RAPGEF5: variants seen among roughly 807,000 people sequenced by gnomAD.
RAPGEF5 encodes Rap guanine nucleotide exchange factor 5.
A neutral mutation model predicts 125.2 loss-of-function variants in RAPGEF5; 65 were observed. The ratio of observed to expected loss-of-function variants is 0.52; its 90% CI spans 0.43 to 0.64. The LOEUF is 0.64. RAPGEF5 is among the 30% of genes least tolerant of loss of function. RAPGEF5 has a pLI of 0.00. For missense variants in RAPGEF5, 958 were observed against 1,048.1 expected, an observed-to-expected ratio of 0.91 and a Z score of 1.19; for synonymous variants, 391 against 385.9, an observed-to-expected ratio of 1.01 and a Z score of -0.16.
At chr7:22,338,410 C>G (rs959216115) in intron 1 of RAPGEF5, among the ~76,000 whole-genome samples, 10 of 152,168 alleles carry the variant, frequency 6.6e-5, no homozygotes, top group African/African-American at 2.4e-4. Context: ...ATTTTATGTT[C>G]TAACACTATA....
intron 23 of RAPGEF5, among the ~76,000 whole-genome samples, chr7:22,131,627 G>A (rs1203369415): frequency 1.3e-5 from 2 of 152,166 alleles, no homozygotes; most frequent in African/African-American, 2.4e-5. Context: ...CCAGGAATAA[G>A]TGAGGAAAGA....
intron 6 of RAPGEF5, among the ~76,000 whole-genome samples, chr7:22,267,568 A>C (rs1782312958): frequency 6.6e-6 from 1 of 152,188 alleles, no homozygotes; most frequent in Non-Finnish European, 1.5e-5. Context: ...GGCAGGTGAA[A>C]TGGGAATATA....
intron 7 of RAPGEF5, among the ~76,000 whole-genome samples, chr7:22,246,498 A>G (rs1160919695): frequency 1.3e-5 from 2 of 152,148 alleles, no homozygotes; most frequent in African/African-American, 4.8e-5. Context: ...TATTCAATGA[A>G]TGGTGCTGGG....
intron 12 of RAPGEF5, among the ~76,000 whole-genome samples, chr7:22,162,785 G>A (rs926521689): frequency 1.3e-4 from 20 of 152,206 alleles, no homozygotes; most frequent in Admixed American, 3.3e-4. Flanking sequence ...ACTGACAGCT[G>A]CTGACATGGT....
At chr7:22,228,295 C>T (rs993472150) in intron 8 of RAPGEF5, among the ~76,000 whole-genome samples, 2 of 152,116 alleles carry the variant, frequency 1.3e-5, no homozygotes, top group African/African-American at 4.8e-5. Context: ...CGTCCCTTAC[C>T]GGCACATCTA....
chr7:22,281,225 C>T (rs1228064747), intron 6 of RAPGEF5, among the ~76,000 whole-genome samples: 3 of 152,086 alleles, frequency 2.0e-5, no homozygotes, highest in Non-Finnish European at 4.4e-5. Flanking sequence ...CTTTCTTTTT[C>T]TTTTGAGGCA....
intron 1 of RAPGEF5, among the ~76,000 whole-genome samples, chr7:22,334,087 C>A (rs1436934724): frequency 6.6e-6 from 1 of 152,250 alleles, no homozygotes; most frequent in African/African-American, 2.4e-5. Flanking sequence ...CACCTGCCTA[C>A]AGCGCCCCGA....
At chr7:22,163,818 C>G (rs1274584196) in intron 12 of RAPGEF5, among the ~76,000 whole-genome samples, 1 of 152,132 alleles carries the variant, frequency 6.6e-6, no homozygotes, top group African/African-American at 2.4e-5. Context: ...TGTTGGACAG[C>G]ATTATATATT....
At chr7:22,244,701 T>TC (rs1199285216) in intron 7 of RAPGEF5, among the ~76,000 whole-genome samples, 3 of 151,992 alleles carry the variant, frequency 2.0e-5, no homozygotes, top group Non-Finnish European at 4.4e-5. Context: ...CCTGAAACCA[T>TC]CCCCCTACCC....
At chr7:22,194,703 G>T (rs1256766047) in intron 9 of RAPGEF5, 2 of 985,274 alleles carry the variant, frequency 2.0e-6, no homozygotes, top group African/African-American at 3.5e-5. Context: ...GGATGCCATG[G>T]ATGACTGCAC....
chr7:22,269,099 T>C (rs911452212), intron 6 of RAPGEF5, among the ~76,000 whole-genome samples: 1 of 146,070 alleles, frequency 6.8e-6, no homozygotes, highest in South Asian at 2.1e-4. Flanking sequence ...ACCTCTGCCA[T>C]GGGAGGATAC....
chr7:22,225,129 G>C (rs1285741695), intron 8 of RAPGEF5, among the ~76,000 whole-genome samples: 1 of 152,096 alleles, frequency 6.6e-6, no homozygotes, highest in Non-Finnish European at 1.5e-5. Context: ...ATGCACTCCA[G>C]CCTGGGCAAA....
Position 22,315,496 on chromosome 7 carries a change from A to C in RAPGEF5, c.283-20T>G. The stretch of plus-strand genomic sequence containing the variant: ...ATAAATCTAAATGGAAAAGACAGTC[A>C]CTGTAAATATAGAACAATAATGTGA... On this transcript the variant is annotated intron_variant, in intron 2 of 25. Coordinates refer to ENST00000665637, the MANE Select transcript of RAPGEF5 (RefSeq NM_012294.5). The C allele has an allele frequency of 2.8e-6, 4 of 1,442,746 alleles. No homozygotes were observed. Among genetic ancestry groups the C allele is most frequent in the Non-Finnish European group, 3.6e-6 (4 of 1,098,848 alleles). The allele number at this position is 1,442,746 out of a possible 1,614,324, so 89.4% of individuals were successfully genotyped here.
chr7:22,290,320 T>C (rs1349034043), intron 6 of RAPGEF5, among the ~76,000 whole-genome samples: 1 of 152,218 alleles, frequency 6.6e-6, no homozygotes, highest in Non-Finnish European at 1.5e-5. Context: ...GGTACAAGTT[T>C]GGTGACGTAG....
chr7:22,125,563 T>C, intron 25 of RAPGEF5, 41 bp downstream of exon 25: 2 of 1,558,018 alleles, frequency 1.3e-6, no homozygotes, highest in Non-Finnish European at 1.8e-6. Flanking sequence ...GGTACCAACG[T>C]AGAGTCAATT....
At chr7:22,351,867 A>C (rs1784337233) in intron 1 of RAPGEF5, among the ~76,000 whole-genome samples, 1 of 152,220 alleles carries the variant, frequency 6.6e-6, no homozygotes, top group Non-Finnish European at 1.5e-5. Context: ...TCCAGCTTGT[A>C]CAAAGGGAAA....
At chr7:22,242,875 A>G (rs1285667468) in intron 7 of RAPGEF5, among the ~76,000 whole-genome samples, 1 of 148,752 alleles carries the variant, frequency 6.7e-6, no homozygotes, top group African/African-American at 2.5e-5. Flanking sequence ...TGAATCCAGG[A>G]GGCAGAGGTT....
At chr7:22,298,426 G>A (rs183429382) in intron 5 of RAPGEF5, among the ~76,000 whole-genome samples, 606 of 152,172 alleles carry the variant, frequency 4.0e-3, no homozygotes, top group Non-Finnish European at 6.6e-3. Flanking sequence ...TGATCCGCCC[G>A]CCTCAGACTC....
At chr7:22,331,025 C>T (rs1481466381) in intron 1 of RAPGEF5, among the ~76,000 whole-genome samples, 3 of 152,214 alleles carry the variant, frequency 2.0e-5, no homozygotes, top group Non-Finnish European at 4.4e-5. Context: ...TGCCCCACAG[C>T]CCTCCACTGT....
Sources: gnomAD v4.1 joint callset for allele counts (sites outside exome capture counted in the v4.1 genomes callset) on GRCh38, gnomAD v4.1.1 for gene constraint, MANE v1.5 for transcripts, NCBI Gene and HGNC (gene_info 2026-07-23, HGNC 2026-07-21) for gene names.